Variants in RECQL5 observed in about 807,000 individuals in gnomAD.
RECQL5 encodes ATP-dependent DNA helicase Q5.
Under a neutral mutation model 103.4 loss-of-function variants are expected in RECQL5, and 88 were observed. The observed-to-expected ratio is 0.85, with a 90% CI of 0.72 to 1.02. The LOEUF is 1.02. RECQL5 is among the 50% of genes least tolerant of loss of function. The probability of loss-of-function intolerance (pLI) is 0.00; values close to 1 mark genes in which losing one functional copy is unlikely to be tolerated. For synonymous variants in RECQL5, 552 were observed against 507.9 expected (o/e 1.09, Z -1.17); for missense variants, 1,232 against 1,284.3 (o/e 0.96, Z 0.62).
intron 7 of RECQL5, among the ~76,000 whole-genome samples, chr17:75,655,394 C>T (rs1337089804): frequency 2.7e-5 from 4 of 147,508 alleles, no homozygotes; most frequent in African/African-American, 1.0e-4. Flanking sequence ...GACAGAGTCT[C>T]GCTCTATCAC....
chr17:75,635,729 G>A (rs1293225246), intron 8 of RECQL5: 3 of 933,284 alleles, frequency 3.2e-6, no homozygotes, highest in Non-Finnish European at 3.8e-6. Context: ...ACAGGGCAAG[G>A]GTGACTAAAA....
At chr17:75,629,657 A>G (rs2059169635) in intron 15 of RECQL5, 51 bp downstream of exon 15, 1 of 1,561,720 alleles carries the variant, frequency 6.4e-7, no homozygotes, top group Non-Finnish European at 8.7e-7. Context: ...GCAGAGGGGA[A>G]GTGAAGCCTT....
intron 8 of RECQL5, among the ~76,000 whole-genome samples, chr17:75,645,697 C>A (rs1338051982): frequency 1.3e-5 from 2 of 152,206 alleles, no homozygotes; most frequent in East Asian, 1.9e-4. Flanking sequence ...CATCAGGTAA[C>A]CCGGGTCAGT....
chr17:75,659,276 G>A (rs934446751), intron 6 of RECQL5, among the ~76,000 whole-genome samples: 1 of 152,088 alleles, frequency 6.6e-6, no homozygotes, highest in Non-Finnish European at 1.5e-5. Context: ...TAGCCAGGAT[G>A]GTCTCAATCT....
intron 6 of RECQL5, 65 bp downstream of exon 6, chr17:75,660,890 A>G (rs2059690060): frequency 3.3e-6 from 4 of 1,198,242 alleles, no homozygotes; most frequent in Non-Finnish European, 3.7e-6. Context: ...CTTTGGGCAC[A>G]GCACTAGGCA....
At chr17:75,649,157 C>A (rs2148311827) in intron 8 of RECQL5, 1 of 152,246 alleles carries the variant, frequency 6.6e-6, no homozygotes, top group Admixed American at 6.5e-5. Flanking sequence ...GCCCCAAGAT[C>A]CCAGGAAACA....
chr17:75,627,692 C>A lies in RECQL5; in HGVS notation c.2806G>T (p.Glu936Ter), dbSNP rs200823933. The change falls in exon 19 of 20, where the codon GAG (glutamate) becomes TAG (stop). Residue 936 changes from glutamate to a stop codon, truncating the protein, a stop_gained and splice_region_variant. Coordinates refer to ENST00000317905, the MANE Select transcript of RECQL5 (RefSeq NM_004259.7). LOFTEE classifies it high-confidence loss of function. ...TGGCGGGCAAAGCCTTTAAACAACT[C>A]CTGGAAGGGAGAGGGAGAAGAGAAG... is the stretch of plus-strand genomic sequence containing the variant. ...FYKEGKFASK[E>*]LFKGFARHLS... is the part of the protein sequence containing the mutation. 5 of 1,603,348 alleles carry A rather than the reference C, an allele frequency of 3.1e-6. No individual in the cohort carries two copies. The South Asian group carries it at 5.6e-5, about 18-fold the overall frequency.
rs1414123075 is a variant in RECQL5, at chr17:75,662,557, G to A, written c.693C>T (p.Phe231=). ...FRANLFYDVQ[F]KELISDPYGN... Reference sequence around the variant, plus strand: ...CATAGGGATCAGAAATCAGTTCCTTGAATTGCACATCATAGAAGAGGTTGG... The same window carrying A: ...CATAGGGATCAGAAATCAGTTCCTTAAATTGCACATCATAGAAGAGGTTGG... The change falls in exon 4 of 20, where the codon TTC becomes TTT. Residue 231 remains phenylalanine, a synonymous_variant. Transcript: ENST00000317905. 1 of 1,614,182 alleles carries A rather than the reference G, an allele frequency of 6.2e-7. No homozygotes were observed. Among genetic ancestry groups the A allele is most frequent in the African/African-American group, 1.3e-5 (1 of 75,044 alleles).
chr17:75,664,559 A>G (rs1454872291), intron 3 of RECQL5, among the ~76,000 whole-genome samples: 1 of 152,208 alleles, frequency 6.6e-6, no homozygotes, highest in African/African-American at 2.4e-5. Context: ...CCAGTGGAGA[A>G]CACTACATTG....
At position 75,662,514 on chromosome 17, in the gene RECQL5, A is replaced by C. The variant is rs1438079990; in HGVS notation, c.736T>G (p.Cys246Gly). The C allele has an allele frequency of 2.5e-6, 4 of 1,614,054 alleles. No homozygotes were observed. The Admixed American group carries it at 6.7e-5, about 27-fold the overall frequency. ...GCCTCCTGTCCAAGAGCCTTAAGGC[A>C]GAAGTCCTTCAGGTTCCCATAGGGA... is the stretch of plus-strand genomic sequence containing the variant. ...SDPYGNLKDFCLKALGQEADK... is the reference protein window; with the variant it reads ...SDPYGNLKDFGLKALGQEADK... The change falls in exon 4 of 20, where the codon TGC becomes GGC. Residue 246 changes from cysteine to glycine, a missense_variant. Coordinates refer to ENST00000317905, the MANE Select transcript of RECQL5 (RefSeq NM_004259.7).
At chr17:75,656,917 TG>T (rs1375375962) in intron 7 of RECQL5, among the ~76,000 whole-genome samples, 2 of 152,130 alleles carry the variant, frequency 1.3e-5, no homozygotes, top group African/African-American at 4.8e-5. Flanking sequence ...GCTAATTTTT[TG>T]TATTTTTAGT....
Position 75,629,828 on chromosome 17 carries a change from G to T in RECQL5, c.1827C>A (p.His609Gln). Residue 609 changes from histidine (H) to glutamine (Q), a missense_variant, in exon 15 of 20, where the codon CAC becomes CAA. Coordinates refer to ENST00000317905, the MANE Select transcript of RECQL5 (RefSeq NM_004259.7). Reference sequence around the variant, plus strand: ...AGGGCTGCCCATCCTTGGAGGCTCTGTGGATATCGGCCACCTGGGCAGGGA... The same window carrying T: ...AGGGCTGCCCATCCTTGGAGGCTCTTTGGATATCGGCCACCTGGGCAGGGA... ...ASVLKKVADI[H>Q]RASKDGQPYD... 6.2e-7 allele frequency: 1 copy of T among 1,609,720 alleles called. No homozygotes were observed. Among genetic ancestry groups the T allele is most frequent in the Non-Finnish European group, 8.5e-7 (1 of 1,177,346 alleles).
At chr17:75,630,736 G>A in intron 12 of RECQL5, 43 bp downstream of exon 12, 5 of 1,603,464 alleles carry the variant, frequency 3.1e-6, no homozygotes, top group Non-Finnish European at 4.3e-6. Context: ...TCGCGGCTGG[G>A]GGAGGGCCCC....
intron 6 of RECQL5, among the ~76,000 whole-genome samples, 165 bp downstream of exon 6, chr17:75,660,790 A>G (rs898491339): frequency 3.3e-5 from 5 of 152,268 alleles, no homozygotes; most frequent in African/African-American, 1.2e-4. Flanking sequence ...CAGGCCGCAC[A>G]GGAGCTGTCA....
chr17:75,640,628 G>A lies in RECQL5; in HGVS notation c.1230-8960C>T, dbSNP rs2059419118. On this transcript the variant is annotated intron_variant, in intron 8 of 19. Coordinates refer to ENST00000317905, the MANE Select transcript of RECQL5 (RefSeq NM_004259.7). The surrounding 1 kb of genome is among the most constrained non-coding windows in gnomAD (Gnocchi z 4.6). ...ATGGAGGAGGTTGGCCCTGGCGGCT[G>A]GCATGGGGACCGTCCGCACCTCTCA... Among the ~76,000 whole-genome samples the A allele has an allele frequency of 6.6e-6, 1 of 152,146 alleles. No homozygotes were observed. Among genetic ancestry groups the A allele is most frequent in the Non-Finnish European group, 1.5e-5 (1 of 68,020 alleles).
chr17:75,658,558 T>C (rs1006695868), intron 6 of RECQL5, 98 bp from the exon 7 acceptor site: 2 of 1,128,596 alleles, frequency 1.8e-6, no homozygotes, highest in East Asian at 2.5e-5. Flanking sequence ...GGCCAGCAGA[T>C]AGGGAGGGAG....
At position 75,661,081 on chromosome 17, in the gene RECQL5, A is replaced by C. The variant is rs767335508; in HGVS notation, c.875-15T>G. 39 of 1,597,712 alleles carry C rather than the reference A, an allele frequency of 2.4e-5. No individual in the cohort carries two copies. In the East Asian group the frequency reaches 8.5e-4, roughly 35 times the overall value. ...GGCCTTCAGCCCTGTAAAGGAGGGG[A>C]AGATGGAGAAGGGAACTCACATTTC... On this transcript the variant is annotated splice_polypyrimidine_tract_variant and intron_variant, in intron 5 of 19. Transcript: ENST00000317905.
In RECQL5 at chr17:75,627,637, G is replaced by A; in HGVS notation, c.2861C>T (p.Ser954Phe). 1 of 1,612,796 alleles carries A rather than the reference G, an allele frequency of 6.2e-7. No homozygotes were observed. Among genetic ancestry groups the A allele is most frequent in the Non-Finnish European group, 8.5e-7 (1 of 1,179,452 alleles). ...HLSHLLTQKT[S>F]PGRSVKEEAQ... ...CCAGCGCTCACCGCTCCTTCCAGGA[G>A]AGGTCTTCTGAGTCAGCAAGTGTGA... The change falls in exon 19 of 20, where the codon TCT (serine) becomes TTT (phenylalanine). Residue 954 changes from serine to phenylalanine, a missense_variant. Ser to Phe is a radical substitution (Grantham distance 155, BLOSUM62 -2). Coordinates refer to ENST00000317905, the MANE Select transcript of RECQL5 (RefSeq NM_004259.7).
chr17:75,640,672 C>A lies in RECQL5; in HGVS notation c.1230-9004G>T. On this transcript the variant is annotated intron_variant, in intron 8 of 19. Coordinates refer to ENST00000317905, the MANE Select transcript of RECQL5 (RefSeq NM_004259.7). This position sits in a 1 kb window ranked among gnomAD's most constrained non-coding sequence, Gnocchi z 4.6. The stretch of plus-strand genomic sequence containing the variant: ...CCTCTCACCAGCCTCTCGGATCTTT[C>A]TGACCTCCACCAAACCTGTGGGGGA... 6.8e-7 allele frequency: 1 copy of A among 1,475,602 alleles called. No homozygotes were observed. The highest frequency in any genetic ancestry group is 9.0e-7 in the Non-Finnish European group (1 of 1,109,912). 91.4% of individuals were successfully genotyped at this position (1,475,602 alleles called of 1,614,324 possible).
Sources: gnomAD v4.1 joint callset for allele counts (sites outside exome capture counted in the v4.1 genomes callset) on GRCh38, gnomAD v4.1.1 for gene constraint, Gnocchi (gnomAD v3.1) non-coding constraint, MANE v1.5 for transcripts, NCBI Gene and HGNC (gene_info 2026-07-23, HGNC 2026-07-21) for gene names.